GPM6A: variants seen among roughly 807,000 people sequenced by gnomAD.
GPM6A encodes neuronal membrane glycoprotein M6-a.
In GPM6A, 7 loss-of-function variants were observed where a neutral mutation model predicts 32.1. That is an observed-to-expected ratio of 0.22 (90% CI 0.12 to 0.41). The LOEUF is 0.41. Among genes scored for constraint, GPM6A ranks in the 10% least tolerant of loss-of-function variants. The probability of loss-of-function intolerance (pLI) is 1.00; values close to 1 mark genes in which losing one functional copy is unlikely to be tolerated. For synonymous variants in GPM6A, 130 were observed against 123.4 expected, an observed-to-expected ratio of 1.05 and a Z score of -0.35; for missense variants, 235 against 347.2, an observed-to-expected ratio of 0.68 and a Z score of 2.57.
At chr4:175,840,087 C>T (rs1001706581) in intron 1 of GPM6A, among the ~76,000 whole-genome samples, 4 of 152,088 alleles carry the variant, frequency 2.6e-5, no homozygotes, top group East Asian at 1.9e-4. Context: ...AAAATAATTT[C>T]GTTAGCTTTA....
chr4:175,962,701 A>G (rs929083967), intron 1 of GPM6A, among the ~76,000 whole-genome samples: 7 of 152,154 alleles, frequency 4.6e-5, no homozygotes, highest in Non-Finnish European at 8.8e-5. Context: ...TCCTAGCCAG[A>G]CAGACCAAAA....
intron 1 of GPM6A, among the ~76,000 whole-genome samples, chr4:175,915,094 A>G (rs938399440): frequency 2.0e-5 from 3 of 152,190 alleles, no homozygotes; most frequent in Non-Finnish European, 2.9e-5. Context: ...TAAAACCACA[A>G]TAGTATTGAG....
At chr4:175,819,547 T>C (rs1735211440) in intron 1 of GPM6A, among the ~76,000 whole-genome samples, 1 of 152,222 alleles carries the variant, frequency 6.6e-6, no homozygotes, top group South Asian at 2.1e-4. Flanking sequence ...GTATATCCCA[T>C]TTAACCTTCA....
chr4:175,880,784 G>C (rs1281003056), intron 1 of GPM6A, among the ~76,000 whole-genome samples: 4 of 152,042 alleles, frequency 2.6e-5, no homozygotes, highest in African/African-American at 9.7e-5. Flanking sequence ...GGAGATTTTG[G>C]GCTGAGACGA....
intron 1 of GPM6A, among the ~76,000 whole-genome samples, chr4:175,920,177 A>C (rs1178783712): frequency 6.6e-6 from 1 of 152,254 alleles, no homozygotes; most frequent in African/African-American, 2.4e-5. Flanking sequence ...GGCAACATAC[A>C]ATAGAATCAG....
intron 1 of GPM6A, among the ~76,000 whole-genome samples, chr4:175,828,195 G>T (rs1735495797): frequency 6.6e-6 from 1 of 152,042 alleles, no homozygotes; most frequent in Admixed American, 6.6e-5. Context: ...CATGCCACAG[G>T]TCTGCCAAAA....
chr4:175,950,765 T>C (rs1385172936), intron 1 of GPM6A, among the ~76,000 whole-genome samples: 1 of 152,168 alleles, frequency 6.6e-6, no homozygotes, highest in Non-Finnish European at 1.5e-5. Flanking sequence ...TGACACACAA[T>C]AGTTCTAAAT....
chr4:175,913,429 T>G (rs1552987), intron 1 of GPM6A, among the ~76,000 whole-genome samples: 131,549 of 152,256 alleles, frequency 0.86, 57,005 homozygotes, highest in Admixed American at 0.91. Context: ...AAGTAGTAGC[T>G]GGTAATCCTT....
At chr4:175,880,469 A>T (rs1737235857) in intron 1 of GPM6A, among the ~76,000 whole-genome samples, 1 of 152,182 alleles carries the variant, frequency 6.6e-6, no homozygotes, top group African/African-American at 2.4e-5. Context: ...TCTATAAATT[A>T]TCTTGGGCAG....
intron 1 of GPM6A, among the ~76,000 whole-genome samples, chr4:175,933,799 C>G (rs1409219843): frequency 1.3e-5 from 2 of 152,184 alleles, no homozygotes; most frequent in Non-Finnish European, 2.9e-5. Flanking sequence ...CCTCCTCGGC[C>G]TCCCAAAGTG....
At chr4:175,881,857 G>A (rs1396874083) in intron 1 of GPM6A, among the ~76,000 whole-genome samples, 1 of 151,894 alleles carries the variant, frequency 6.6e-6, no homozygotes, top group Non-Finnish European at 1.5e-5. Context: ...GGGAGGAGGG[G>A]GAGGGATAGC....
chr4:175,754,910 T>C (rs1279215443), intron 1 of GPM6A, among the ~76,000 whole-genome samples: 3 of 152,058 alleles, frequency 2.0e-5, no homozygotes, highest in Non-Finnish European at 4.4e-5. Context: ...CTAAAGCAAA[T>C]ACATCTCAAT....
At position 175,788,212 on chromosome 4, in the gene GPM6A, G is replaced by A. The variant is rs181667620; in HGVS notation, c.37+23979C>T. On this transcript the variant is annotated intron_variant, in intron 1 of 6. Transcript: ENST00000393658. ...ATAGGGAAGAGCAAGACAGAGAAGA[G>A]ACCAAACAACAGAAAGGAAAAGGAG... 3.3e-5 allele frequency: 5 copies of A among 152,254 alleles called. No homozygotes were observed. In the South Asian group the frequency reaches 6.2e-4, roughly 19 times the overall value. The allele number at this position is 152,254 out of a possible 1,614,324, so 9.4% of individuals were successfully genotyped here.
At chr4:175,659,235 G>A (rs886899304) in intron 3 of GPM6A, among the ~76,000 whole-genome samples, 8 of 151,762 alleles carry the variant, frequency 5.3e-5, no homozygotes, top group East Asian at 1.9e-4. Flanking sequence ...GGTGCACGCC[G>A]CAGCACATGG....
At chr4:175,864,272 T>C (rs1165322141) in intron 1 of GPM6A, among the ~76,000 whole-genome samples, 1 of 152,130 alleles carries the variant, frequency 6.6e-6, no homozygotes, top group African/African-American at 2.4e-5. Flanking sequence ...GCTTAGATGA[T>C]CCTCCTATGT....
At chr4:175,714,088 A>C (rs1335488846) in intron 1 of GPM6A, among the ~76,000 whole-genome samples, 6 of 152,108 alleles carry the variant, frequency 3.9e-5, no homozygotes, top group African/African-American at 1.4e-4. Context: ...TCAAAAATAG[A>C]TTTTTAGATG....
chr4:175,882,278 T>C (rs1023128910), intron 1 of GPM6A, among the ~76,000 whole-genome samples: 7 of 152,066 alleles, frequency 4.6e-5, no homozygotes, highest in Non-Finnish European at 8.8e-5. Flanking sequence ...CTCTAATATG[T>C]ACTTATTAAA....
chr4:175,772,547 C>A (rs186680229), intron 1 of GPM6A, among the ~76,000 whole-genome samples: 3 of 152,262 alleles, frequency 2.0e-5, no homozygotes, highest in East Asian at 1.9e-4. Context: ...GACTGGGAAA[C>A]CTTCCTTCCT....
At chr4:175,702,139 A>G (rs1744914700) in intron 1 of GPM6A, among the ~76,000 whole-genome samples, 1 of 152,120 alleles carries the variant, frequency 6.6e-6, no homozygotes, top group South Asian at 2.1e-4. Flanking sequence ...AATGGTATTT[A>G]TTCTTTTGCA....
Sources: gnomAD v4.1 joint callset for allele counts (sites outside exome capture counted in the v4.1 genomes callset) on GRCh38, gnomAD v4.1.1 for gene constraint, MANE v1.5 for transcripts, NCBI Gene and HGNC (gene_info 2026-07-23, HGNC 2026-07-21) for gene names.